Variants in UGT1A6 observed in about 807,000 individuals in gnomAD.
UGT1A6 encodes the protein UDP glucuronosyltransferase family 1 member A6, also known as UDP-glucuronosyltransferase 1A6.
UGT1A6 carries 32 observed loss-of-function variants against 44.4 expected under a neutral mutation model. That is an observed-to-expected ratio of 0.72 (90% CI 0.54 to 0.97). The LOEUF (loss-of-function observed/expected upper bound fraction) is 0.97. Among genes scored for constraint, UGT1A6 ranks in the 50% least tolerant of loss-of-function variants. The pLI, the probability that UGT1A6 is intolerant of heterozygous loss-of-function variation, is 0.00. For missense variants in UGT1A6, 685 were observed against 661.9 expected, an observed-to-expected ratio of 1.03 and a Z score of -0.38; for synonymous variants, 238 against 248.5, an observed-to-expected ratio of 0.96 and a Z score of 0.40.
At chr2:233,729,650 A>G in intron 1 of UGT1A6, 2 of 1,613,870 alleles carry the variant, frequency 1.2e-6, no homozygotes, top group Non-Finnish European at 1.7e-6. Context: ...TTTTTGAGGA[A>G]CATTCCATGT....
At chr2:233,745,498 TCC>T (rs1294393562) in intron 1 of UGT1A6, among the ~76,000 whole-genome samples, 2 of 151,620 alleles carry the variant, frequency 1.3e-5, no homozygotes, top group Non-Finnish European at 2.9e-5. Flanking sequence ...TTCTAAGATT[TCC>T]TATAGGGTAT....
Position 233,761,122 on chromosome 2 carries a change from A to T in UGT1A6, c.862-5912A>T, listed in dbSNP as rs397978903. 136 of 1,614,116 alleles carry T rather than the reference A, an allele frequency of 8.4e-5. No individual in the cohort carries two copies. Among genetic ancestry groups the T allele is most frequent in the Non-Finnish European group, 1.1e-4 (124 of 1,180,046 alleles). On this transcript the variant is annotated intron_variant, in intron 1 of 4. Coordinates refer to ENST00000305139, the MANE Select transcript of UGT1A6 (RefSeq NM_001072.4). The stretch of plus-strand genomic sequence containing the variant: ...CAATATGGTTTTTGTTGGTGGAATC[A>T]ACTGCCTTCACCAAAATCCACTATC...
Position 233,730,113 on chromosome 2 carries a change from C to G in UGT1A6, c.861+36248C>G. 5 of 1,563,498 alleles carry G rather than the reference C, an allele frequency of 3.2e-6. No individual in the cohort carries two copies. The South Asian group carries it at 5.9e-5, about 18-fold the overall frequency. ...TTCCAAATATTTCATTTCTGCTTCT[C>G]CTTGTCATAATAGCCTTCAGTGAGA... is the stretch of plus-strand genomic sequence containing the variant. On this transcript the variant is annotated intron_variant, in intron 1 of 4. Coordinates refer to ENST00000305139, the MANE Select transcript of UGT1A6 (RefSeq NM_001072.4).
At position 233,736,787 on chromosome 2, in the gene UGT1A6, G is replaced by T. The variant is rs564924553; in HGVS notation, c.862-30247G>T. Reference sequence around the variant, plus strand: ...TAACAGTCAGATCCCTCAGCTGCAGGTCTGTTGGAGTTTGCTGGAGGTCCA... The same window carrying T: ...TAACAGTCAGATCCCTCAGCTGCAGTTCTGTTGGAGTTTGCTGGAGGTCCA... On this transcript the variant is annotated intron_variant, in intron 1 of 4. Coordinates refer to ENST00000305139, the MANE Select transcript of UGT1A6 (RefSeq NM_001072.4). Among the ~76,000 whole-genome samples the T allele has an allele frequency of 1.5e-3, 227 of 152,276 alleles. 2 individuals carry two copies. The highest frequency in any genetic ancestry group is 5.1e-3 in the African/African-American group (213 of 41,548).
At chr2:233,734,436 C>G (rs1368482825) in intron 1 of UGT1A6, among the ~76,000 whole-genome samples, 2 of 151,658 alleles carry the variant, frequency 1.3e-5, no homozygotes, top group Admixed American at 1.3e-4. Context: ...TTAGTCTTGC[C>G]AGAGGTCTAT....
At chr2:233,770,089 T>C (rs2126050834) in intron 4 of UGT1A6, 1 of 153,022 alleles carries the variant, frequency 6.5e-6, no homozygotes, top group South Asian at 2.1e-4. Context: ...TTCAGTGGTA[T>C]AGATAACTAC....
chr2:233,725,184 GCA>G lies in UGT1A6; in HGVS notation c.861+31320_861+31321del, dbSNP rs1575560324. ...CATGAGAGGGAGACCGTGGGGAGAG[GCA>G]GAGGCAGAGGCAGAGGCAGAGGCAG... On this transcript the variant is annotated intron_variant, in intron 1 of 4. Transcript: ENST00000305139. Among the ~76,000 whole-genome samples, 4 of 89,466 alleles carry G rather than the reference GCA, an allele frequency of 4.5e-5. 2 individuals are homozygous for G. The highest frequency in any genetic ancestry group is 1.9e-4 in the Admixed American group (2 of 10,264). 58.7% of individuals were successfully genotyped at this position (89,466 alleles called of 152,430 possible).
chr2:233,740,931 T>C (rs1341633178), intron 1 of UGT1A6: 1 of 151,798 alleles, frequency 6.6e-6, no homozygotes, highest in Non-Finnish European at 1.5e-5. Context: ...CAAAAAGTTT[T>C]TTTTTTAATT....
At chr2:233,747,362 G>C (rs765094554) in intron 1 of UGT1A6, 99 of 1,603,664 alleles carry the variant, frequency 6.2e-5, no homozygotes, top group Non-Finnish European at 7.6e-5. Flanking sequence ...CCGTGCGGGA[G>C]CTCCATGCCA....
intron 1 of UGT1A6, chr2:233,729,111 C>G (rs773243405): frequency 2.0e-5 from 33 of 1,612,748 alleles, no homozygotes; most frequent in Admixed American, 3.3e-5. Flanking sequence ...GTCAGCTGTC[C>G]GTGTCTTCTG....
chr2:233,716,591 A>G (rs766346960), intron 1 of UGT1A6, among the ~76,000 whole-genome samples: 5 of 152,152 alleles, frequency 3.3e-5, no homozygotes, highest in Non-Finnish European at 7.4e-5. Context: ...CAAAGAGCAA[A>G]AATTTTAGAA....
intron 1 of UGT1A6, among the ~76,000 whole-genome samples, chr2:233,711,901 G>C (rs914987018): frequency 6.6e-6 from 1 of 152,216 alleles, no homozygotes; most frequent in Non-Finnish European, 1.5e-5. Context: ...ATGGGCGTGA[G>C]ACCATTGTGA....
At chr2:233,716,621 G>T (rs1407040696) in intron 1 of UGT1A6, among the ~76,000 whole-genome samples, 2 of 152,070 alleles carry the variant, frequency 1.3e-5, no homozygotes, top group Non-Finnish European at 2.9e-5. Context: ...GTTTATTCTA[G>T]TGAAGTTTTT....
intron 1 of UGT1A6, among the ~76,000 whole-genome samples, chr2:233,728,608 G>A (rs535590480): frequency 1.3e-5 from 2 of 152,290 alleles, no homozygotes; most frequent in South Asian, 4.2e-4. Context: ...CAGCCTCCAC[G>A]CTGTTCAGAG....
intron 1 of UGT1A6, among the ~76,000 whole-genome samples, chr2:233,696,448 G>A (rs1198346703): frequency 6.6e-6 from 1 of 152,068 alleles, no homozygotes; most frequent in African/African-American, 2.4e-5. Context: ...ATTTATAAAT[G>A]CTACTGATTT....
At chr2:233,742,511 A>C (rs1428333329) in intron 1 of UGT1A6, among the ~76,000 whole-genome samples, 6 of 151,858 alleles carry the variant, frequency 4.0e-5, no homozygotes, top group Non-Finnish European at 2.9e-5. Flanking sequence ...TATCATGAAC[A>C]CGTCACAGTG....
intron 1 of UGT1A6, among the ~76,000 whole-genome samples, chr2:233,727,224 G>A (rs1324084133): frequency 6.6e-6 from 1 of 152,098 alleles, no homozygotes; most frequent in Admixed American, 6.5e-5. Flanking sequence ...TTCCACATAT[G>A]CGGATGGCTC....
chr2:233,700,744 T>G (rs2125584021), intron 1 of UGT1A6, among the ~76,000 whole-genome samples: 1 of 152,264 alleles, frequency 6.6e-6, no homozygotes. Flanking sequence ...TATTATACTT[T>G]AAGTTTTAGG....
chr2:233,757,130 G>T (rs368401609), intron 1 of UGT1A6, among the ~76,000 whole-genome samples: 1 of 151,410 alleles, frequency 6.6e-6, no homozygotes, highest in Non-Finnish European at 1.5e-5. Context: ...GAGGAGGAAT[G>T]AGCTTGGACA....
Sources: gnomAD v4.1 joint callset for allele counts (sites outside exome capture counted in the v4.1 genomes callset) on GRCh38, gnomAD v4.1.1 for gene constraint, MANE v1.5 for transcripts, NCBI Gene and HGNC (gene_info 2026-07-23, HGNC 2026-07-21) for gene names.